Variants in ERCC2 observed in about 807,000 individuals in gnomAD.
The protein encoded by ERCC2 is ERCC excision repair 2, TFIIH core complex helicase subunit.
Under a neutral mutation model 99.4 loss-of-function variants are expected in ERCC2, and 90 were observed. That is an observed-to-expected ratio of 0.91 (90% CI 0.76 to 1.08). The LOEUF (loss-of-function observed/expected upper bound fraction) is 1.08, where lower values mean the gene tolerates loss of function less well. Ranked by LOEUF, ERCC2 falls within the 50% of genes least tolerant of loss-of-function variation. The pLI, the probability that ERCC2 is intolerant of heterozygous loss-of-function variation, is 0.00. For missense variants in ERCC2, 993 were observed against 1,038.1 expected, an observed-to-expected ratio of 0.96 and a Z score of 0.60; for synonymous variants, 497 against 432.4, an observed-to-expected ratio of 1.15 and a Z score of -1.85.
At position 45,364,930 on chromosome 19, in the gene ERCC2, C is replaced by T. The variant is rs758582720; in HGVS notation, c.502G>A (p.Val168Met). ...TTGTAGATGCCAGCGGGGAGGGGCA[C>T]CTCACGCCCATGGGCATCAAATTCC... ...YEEFDAHGRE[V>M]PLPAGIYNLD... Residue 168 changes from valine to methionine, a missense_variant, in exon 7 of 23, where the codon GTG becomes ATG. Physicochemically the swap from Val to Met is conservative, Grantham distance 21 (BLOSUM62 1). Coordinates refer to ENST00000391945, the MANE Select transcript of ERCC2 (RefSeq NM_000400.4). 6.2e-7 allele frequency: 1 copy of T among 1,614,100 alleles called. No individual in the cohort carries two copies. The highest frequency in any genetic ancestry group is 1.1e-5 in the South Asian group (1 of 91,084).
At chr19:45,370,471 C>CTTGAA in intron 1 of ERCC2, 65 bp downstream of exon 1, 1 of 1,540,948 alleles carries the variant, frequency 6.5e-7, no homozygotes, top group South Asian at 1.2e-5. Flanking sequence ...GCGCGCCCAC[C>CTTGAA]GATGACCCCA....
Position 45,369,068 on chromosome 19 carries a change from A to G in ERCC2, c.183+2T>C. 2 of 1,613,176 alleles carry G rather than the reference A, an allele frequency of 1.2e-6. No individual in the cohort carries two copies. The highest frequency in any genetic ancestry group is 1.7e-6 in the Non-Finnish European group (2 of 1,179,766). On this transcript the variant is annotated splice_donor_variant, in intron 3 of 22. Transcript: ENST00000391945. LOFTEE classifies it high-confidence loss of function. ...CCTTTACGGGTTCAGCGCATCACTC[A>G]CTCTCTGGTATGCCATGATCAGGGC...
Position 45,350,411 on chromosome 19 carries a change from A to AG in ERCC2, c.*1217dup. 6.2e-7 allele frequency: 1 copy of AG among 1,613,838 alleles called. No homozygotes were observed. The highest frequency in any genetic ancestry group is 8.5e-7 in the Non-Finnish European group (1 of 1,179,936). Reference sequence around the variant, plus strand: ...CTGTACAAAGAAATCCTCCACAAGGAGGACCTACCCGCCCCTCTCGGTGAG... The same window carrying AG: ...CTGTACAAAGAAATCCTCCACAAGGAGGGACCTACCCGCCCCTCTCGGTGAG... On this transcript the variant is annotated 3_prime_UTR_variant, in exon 23 of 23. Transcript: ENST00000391945.
intron 9 of ERCC2, 51 bp downstream of exon 9, chr19:45,364,184 C>G: frequency 6.2e-7 from 1 of 1,611,466 alleles, no homozygotes; most frequent in Non-Finnish European, 8.5e-7. Context: ...AGACAGGGGC[C>G]AGGGTCCCAG....
chr19:45,370,561 G>T lies in ERCC2; in HGVS notation c.-21C>A, dbSNP rs1253107579. The T allele has an allele frequency of 6.3e-7, 1 of 1,591,560 alleles. No individual in the cohort carries two copies. Among genetic ancestry groups the T allele is most frequent in the East Asian group, 2.3e-5 (1 of 44,108 alleles). ...TTCATGGCGCCGGCCGGACTGTGCAGCGGGGTCGACCCGCCTCCCTCATGA... is the reference window on the plus strand; with the variant it reads ...TTCATGGCGCCGGCCGGACTGTGCATCGGGGTCGACCCGCCTCCCTCATGA... On this transcript the variant is annotated 5_prime_UTR_variant, in exon 1 of 23. The change creates a new upstream start codon in the 5' untranslated region. Transcript: ENST00000391945.
At chr19:45,355,814 CTTTTTTTTT>C (rs35665496) in intron 15 of ERCC2, 86 bp from the exon 16 acceptor site, 2 of 678,422 alleles carry the variant, frequency 2.9e-6, no homozygotes, top group Middle Eastern at 3.7e-4. Context: ...CTGTTCTAAG[CTTTTTTTTT>C]TTTTTTTTTT....
chr19:45,368,058 G>A (rs1006103201), intron 5 of ERCC2, among the ~76,000 whole-genome samples: 1 of 151,854 alleles, frequency 6.6e-6, no homozygotes, highest in Non-Finnish European at 1.5e-5. Context: ...ATTTTTAGTA[G>A]AAATGGGGTT....
intron 11 of ERCC2, 119 bp from the exon 12 acceptor site, chr19:45,361,761 AG>A (rs1972230656): frequency 1.3e-6 from 1 of 790,956 alleles, no homozygotes; most frequent in East Asian, 2.6e-5. Context: ...GCACTCAGTG[AG>A]GGTGGGCACT....
rs763639137 is a variant in ERCC2, at chr19:45,368,998, G to C, written c.184-6C>G. 2 of 1,614,170 alleles carry C rather than the reference G, an allele frequency of 1.2e-6. No homozygotes were observed. On this transcript the variant is annotated splice_region_variant and splice_polypyrimidine_tract_variant and intron_variant, in intron 3 of 22. Coordinates refer to ENST00000391945, the MANE Select transcript of ERCC2 (RefSeq NM_000400.4). ...GTCACCTCCAGCGGATATGCCTGCC[G>C]ATAACAAGCGGACTCAGTCCCTGTC...
Position 45,358,955 on chromosome 19 carries a change from C to A in ERCC2, c.1238-1256G>T, listed in dbSNP as rs147164719. 4.0e-6 allele frequency: 3 copies of A among 747,130 alleles called. No homozygotes were observed. The East Asian group carries it at 7.4e-5, about 18-fold the overall frequency. The allele number at this position is 747,130 out of a possible 1,614,324, so 46.3% of individuals were successfully genotyped here. A position where few individuals can be genotyped will look rare whatever the true frequency, so the allele number is the denominator to read the frequency against. On this transcript the variant is annotated intron_variant, in intron 12 of 22. Transcript: ENST00000391945. Reference sequence around the variant, plus strand: ...AAATGAATGAATGAATTTACATATTCGGTTTCACACAGTGAAAAAAAATCA... The same window carrying A: ...AAATGAATGAATGAATTTACATATTAGGTTTCACACAGTGAAAAAAAATCA...
In ERCC2 at chr19:45,352,198, G is replaced by T. The variant is rs374737560; in HGVS notation, c.2190+11C>A. The T allele has an allele frequency of 2.5e-6, 4 of 1,613,136 alleles. No individual in the cohort carries two copies. Among genetic ancestry groups the T allele is most frequent in the Non-Finnish European group, 3.4e-6 (4 of 1,179,778 alleles). On this transcript the variant is annotated intron_variant, in intron 22 of 22. Transcript: ENST00000391945. Reference sequence around the variant, plus strand: ...CCTGGGAGGGTGCCGGGAGGGGGACGCAGGCCTCACCCGGTGGAAGGGCTG... The same window carrying T: ...CCTGGGAGGGTGCCGGGAGGGGGACTCAGGCCTCACCCGGTGGAAGGGCTG...
intron 20 of ERCC2, 43 bp from the exon 21 acceptor site, chr19:45,352,692 ACTC>A: frequency 1.9e-6 from 3 of 1,613,428 alleles, no homozygotes; most frequent in Middle Eastern, 1.6e-4. Context: ...TGGGGGAGCC[ACTC>A]CTCCCTTGAT....
intron 19 of ERCC2, 88 bp from the exon 20 acceptor site, chr19:45,352,904 T>A: frequency 7.4e-7 from 1 of 1,350,604 alleles, no homozygotes; most frequent in Non-Finnish European, 1.1e-6. Flanking sequence ...ATGCTGTGTC[T>A]GAGTTGGGGG....
chr19:45,353,838 TAGAA>T (rs1286398274), intron 17 of ERCC2, among the ~76,000 whole-genome samples: 7 of 151,998 alleles, frequency 4.6e-5, no homozygotes, highest in East Asian at 1.9e-4. Context: ...TCACACCACA[TAGAA>T]AGATGAATTT....
chr19:45,353,220 C>A, intron 18 of ERCC2, 22 bp downstream of exon 18: 1 of 1,612,950 alleles, frequency 6.2e-7, no homozygotes, highest in South Asian at 1.1e-5. Flanking sequence ...GACCCCTCTC[C>A]ACGCTGGCCT....
At chr19:45,355,555 G>T in intron 16 of ERCC2, 110 bp downstream of exon 16, 1 of 1,019,170 alleles carries the variant, frequency 9.8e-7, no homozygotes, top group Non-Finnish European at 1.6e-6. Context: ...GAAACTCTGG[G>T]CTGAGCAACT....
chr19:45,351,820 A>G (rs1012380457), intron 22 of ERCC2, 99 bp from the exon 23 acceptor site: 4 of 1,045,528 alleles, frequency 3.8e-6, no homozygotes, highest in African/African-American at 3.1e-5. Flanking sequence ...GCCAGTAGGG[A>G]CAGGATGTTT....
rs116544270 is a variant in ERCC2 at position 45,353,275 on chromosome 19, G to A, written c.1725C>T (p.Ala575=). 196 of 1,613,642 alleles carry A rather than the reference G, an allele frequency of 1.2e-4. 1 individual carries two copies. The highest frequency in any genetic ancestry group is 7.2e-4 in the African/African-American group (54 of 74,904). The change falls in exon 18 of 23, where the codon GCC becomes GCT. Residue 575 remains alanine (A), a synonymous_variant. Transcript: ENST00000391945. ...KLLFIETQDG[A]ETSVALEKYQ... ...ACTTCTCCAGGGCGACACTGGTTTC[G>A]GCACCATCCTGGGTCTCAATAAAGA...
In ERCC2 at chr19:45,355,733, A is replaced by G; in HGVS notation, c.1480-5T>C. 6.2e-7 allele frequency: 1 copy of G among 1,613,564 alleles called. No homozygotes were observed. Among genetic ancestry groups the G allele is most frequent in the Non-Finnish European group, 8.5e-7 (1 of 1,179,762 alleles). ...GTCATTGCCACGGCCGATGATCTGG[A>G]GAGCAACAGAGGTCACGATAAGCGA... On this transcript the variant is annotated splice_polypyrimidine_tract_variant and splice_region_variant and intron_variant, in intron 15 of 22. Coordinates refer to ENST00000391945, the MANE Select transcript of ERCC2 (RefSeq NM_000400.4).
Sources: gnomAD v4.1 joint callset for allele counts (sites outside exome capture counted in the v4.1 genomes callset) on GRCh38, gnomAD v4.1.1 for gene constraint, MANE v1.5 for transcripts, NCBI Gene and HGNC (gene_info 2026-07-23, HGNC 2026-07-21) for gene names.